The following NFATC1 variants were observed in gnomAD, a reference collection of about 807,000 sequenced individuals.
The protein encoded by NFATC1 is nuclear factor of activated T cells 1, also known as nuclear factor of activated T-cells, cytoplasmic 1.
A neutral mutation model predicts 76.0 loss-of-function variants in NFATC1; 22 were observed. The observed-to-expected ratio is 0.29, with a 90% CI of 0.21 to 0.41. The LOEUF (loss-of-function observed/expected upper bound fraction) is 0.41, where lower values mean the gene tolerates loss of function less well. NFATC1 is among the 10% of genes least tolerant of loss of function. The probability of loss-of-function intolerance (pLI) is 1.00; values close to 1 mark genes in which losing one functional copy is unlikely to be tolerated. For missense variants in NFATC1, 1,357 were observed against 1,337.7 expected (o/e 1.01, Z -0.23); for synonymous variants, 704 against 613.1 (o/e 1.15, Z -2.19).
intron 7 of NFATC1, among the ~76,000 whole-genome samples, chr18:79,466,909 T>G (rs1465598594): frequency 6.6e-6 from 1 of 152,188 alleles, no homozygotes; most frequent in Non-Finnish European, 1.5e-5. Context: ...CGGCGGAGCC[T>G]TGGGTCGTTT....
chr18:79,432,016 A>C (rs2086607170), intron 2 of NFATC1, among the ~76,000 whole-genome samples: 1 of 152,144 alleles, frequency 6.6e-6, no homozygotes, highest in African/African-American at 2.4e-5. Flanking sequence ...TTTGTTTTTA[A>C]GTCACTTTGG....
chr18:79,435,142 G>A (rs760385668), intron 3 of NFATC1, among the ~76,000 whole-genome samples: 7 of 152,210 alleles, frequency 4.6e-5, no homozygotes, highest in Non-Finnish European at 7.3e-5. Context: ...TGTGAAAGGA[G>A]GAGTGGAAAT....
intron 9 of NFATC1, among the ~76,000 whole-genome samples, chr18:79,523,467 C>T (rs543848908): frequency 5.3e-5 from 8 of 152,358 alleles, no homozygotes; most frequent in East Asian, 3.9e-4. Flanking sequence ...TGTGAAGGTA[C>T]GAATACTTGA....
rs2089490487 is a variant in NFATC1 at position 79,486,246 on chromosome 18, A to G, written c.2093-2A>G. The G allele has an allele frequency of 6.3e-7, 1 of 1,590,936 alleles. No individual in the cohort carries two copies. Among genetic ancestry groups the G allele is most frequent in the Non-Finnish European group, 8.6e-7 (1 of 1,165,822 alleles). On this transcript the variant is annotated splice_acceptor_variant, in intron 8 of 9. Transcript: ENST00000427363. LOFTEE classifies it high-confidence loss of function. The stretch of plus-strand genomic sequence containing the variant: ...ATTTAATTTTTTTTTTCCTTCTCAC[A>G]GTTCCAATTATAAAAACAGAACCCA...
At chr18:79,463,651 C>G (rs996518708) in intron 7 of NFATC1, among the ~76,000 whole-genome samples, 9 of 152,240 alleles carry the variant, frequency 5.9e-5, no homozygotes, top group Non-Finnish European at 1.3e-4. Flanking sequence ...CGTTCCTCCC[C>G]ACTGGGCTGC....
chr18:79,471,461 C>T (rs921522006), intron 8 of NFATC1, among the ~76,000 whole-genome samples: 1 of 152,108 alleles, frequency 6.6e-6, no homozygotes, highest in Admixed American at 6.5e-5. Flanking sequence ...TTTTTTTAAA[C>T]GAGAAAATAA....
chr18:79,411,099 C>T lies in NFATC1; in HGVS notation c.824C>T (p.Pro275Leu), dbSNP rs372719440. The change falls in exon 2 of 10, where the codon CCG (proline) becomes CTG (leucine). Residue 275 changes from proline (P) to leucine (L), a missense_variant. By Grantham distance (98) the Pro-to-Leu change is moderately conservative (BLOSUM62 -3). This residue lies in a region of NFATC1 where 691 missense variants were observed against 613.1 expected (regional missense o/e 1.13). Transcript: ENST00000427363. ...KRKYSLNGRQPPYSPHHSPTP... is the reference protein window; with the variant it reads ...KRKYSLNGRQLPYSPHHSPTP... ...AAGTACAGCCTCAACGGCCGGCAGCCGCCCTACTCACCCCACCACTCGCCC... is the reference window on the plus strand; with the variant it reads ...AAGTACAGCCTCAACGGCCGGCAGCTGCCCTACTCACCCCACCACTCGCCC... 1.4e-5 allele frequency: 22 copies of T among 1,612,174 alleles called. No homozygotes were observed. The highest frequency in any genetic ancestry group is 2.2e-5 in the South Asian group (2 of 91,070).
chr18:79,488,316 G>A (rs1036415860), intron 9 of NFATC1, among the ~76,000 whole-genome samples: 3 of 145,616 alleles, frequency 2.1e-5, no homozygotes, highest in Non-Finnish European at 4.4e-5. Context: ...GTGTGTGTGT[G>A]TGTGTGTGTG....
At position 79,484,908 on chromosome 18, in the gene NFATC1, G is replaced by A. The variant is rs76142601; in HGVS notation, c.2093-1340G>A. 8.5e-5 allele frequency among the ~76,000 whole-genome samples: 13 copies of A among 152,356 alleles called. No individual in the cohort carries two copies. In the East Asian group the frequency reaches 2.1e-3, roughly 25 times the overall value. On this transcript the variant is annotated intron_variant, in intron 8 of 9. Transcript: ENST00000427363. ...CGTGGCACAGGTGCTCCGGCGTCTCGAGCTGCAGGAAAACGCCGTCTCCAT... is the reference window on the plus strand; with the variant it reads ...CGTGGCACAGGTGCTCCGGCGTCTCAAGCTGCAGGAAAACGCCGTCTCCAT...
intron 7 of NFATC1, among the ~76,000 whole-genome samples, chr18:79,462,228 A>G (rs1023735847): frequency 6.6e-6 from 1 of 152,126 alleles, no homozygotes; most frequent in Non-Finnish European, 1.5e-5. Context: ...GCTCATGTTT[A>G]AAGTGGTTTC....
chr18:79,487,048 C>T, intron 9 of NFATC1, 111 bp downstream of exon 9: 3 of 1,270,764 alleles, frequency 2.4e-6, no homozygotes, highest in Non-Finnish European at 2.1e-6. Flanking sequence ...TGCACCGAGG[C>T]ACCGGGCAGG....
intron 8 of NFATC1, chr18:79,470,402 C>T (rs949113379): frequency 6.6e-5 from 10 of 152,250 alleles, no homozygotes; most frequent in African/African-American, 2.4e-4. Context: ...GGGCGGACTC[C>T]TAGGGTTGTG....
chr18:79,466,646 C>T (rs1451299382), intron 7 of NFATC1, among the ~76,000 whole-genome samples: 2 of 152,234 alleles, frequency 1.3e-5, no homozygotes, highest in African/African-American at 4.8e-5. Context: ...CTCCACACGC[C>T]GCCCTCTGCT....
chr18:79,497,636 C>T (rs564408479), intron 9 of NFATC1: 75 of 152,054 alleles, frequency 4.9e-4, no homozygotes, highest in African/African-American at 1.8e-3. Context: ...TTGGAGATTC[C>T]CGGGCACATA....
chr18:79,491,461 G>A (rs2089674424), intron 9 of NFATC1, among the ~76,000 whole-genome samples: 1 of 152,214 alleles, frequency 6.6e-6, no homozygotes. Context: ...TGGGGTTGGA[G>A]GAAACAGGAG....
At chr18:79,415,035 G>C (rs2085829599) in intron 2 of NFATC1, among the ~76,000 whole-genome samples, 1 of 152,098 alleles carries the variant, frequency 6.6e-6, no homozygotes, top group South Asian at 2.1e-4. Context: ...CCTCCACCTG[G>C]GCACCTGCCA....
intron 3 of NFATC1, among the ~76,000 whole-genome samples, chr18:79,446,332 G>A (rs1228193844): frequency 6.6e-6 from 1 of 152,112 alleles, no homozygotes; most frequent in Non-Finnish European, 1.5e-5. Flanking sequence ...GGGATCCTGG[G>A]GGAATTTTAA....
At position 79,411,302 on chromosome 18, in the gene NFATC1, C is replaced by A; in HGVS notation, c.1027C>A (p.Pro343Thr). Reference protein sequence around the residue: ...VKSRKTTLEQPPSVALKVEPV... With the variant: ...VKSRKTTLEQTPSVALKVEPV... ...GTCCCGCAAGACCACCCTGGAGCAGCCGCCCTCAGTGGCGCTCAAGGTGGA... is the reference window on the plus strand; with the variant it reads ...GTCCCGCAAGACCACCCTGGAGCAGACGCCCTCAGTGGCGCTCAAGGTGGA... Residue 343 changes from proline (P) to threonine (T), a missense_variant, in exon 2 of 10, where the codon CCG becomes ACG. This residue lies in a region of NFATC1 where 691 missense variants were observed against 613.1 expected (regional missense o/e 1.13). Transcript: ENST00000427363. 1 of 1,603,600 alleles carries A rather than the reference C, an allele frequency of 6.2e-7. No individual in the cohort carries two copies. The highest frequency in any genetic ancestry group is 1.1e-5 in the South Asian group (1 of 90,882).
chr18:79,414,785 G>A (rs1486796707), intron 2 of NFATC1, among the ~76,000 whole-genome samples: 15 of 152,148 alleles, frequency 9.9e-5, no homozygotes, highest in African/African-American at 3.6e-4. Context: ...TCTTTCCAGG[G>A]GTAATGACGG....
Sources: gnomAD v4.1 joint callset for allele counts (sites outside exome capture counted in the v4.1 genomes callset) on GRCh38, gnomAD v4.1.1 for gene constraint, gnomAD v4.1.1 regional missense constraint, MANE v1.5 for transcripts, NCBI Gene and HGNC (gene_info 2026-07-23, HGNC 2026-07-21) for gene names.